The following CRACD variants were observed in gnomAD, a reference collection of about 807,000 sequenced individuals.
CRACD encodes the protein capping protein-inhibiting regulator of actin dynamics.
A neutral mutation model predicts 106.8 loss-of-function variants in CRACD; 56 were observed. The observed-to-expected ratio is 0.52, with a 90% confidence interval of 0.42 to 0.66. The LOEUF is 0.66. Ranked by LOEUF, CRACD falls within the 30% of genes least tolerant of loss-of-function variation. The probability of loss-of-function intolerance (pLI) is 0.00; values close to 1 mark genes in which losing one functional copy is unlikely to be tolerated. For synonymous variants in CRACD, 754 were observed against 670.8 expected (o/e 1.12, Z -1.92); for missense variants, 1,730 against 1,623.2 (o/e 1.07, Z -1.13).
intron 3 of CRACD, among the ~76,000 whole-genome samples, chr4:56,296,382 T>C (rs1033647159): frequency 3.3e-5 from 5 of 152,144 alleles, no homozygotes; most frequent in African/African-American, 1.2e-4. Flanking sequence ...TTATTATTAT[T>C]GCCTAAGATC....
intron 1 of CRACD, among the ~76,000 whole-genome samples, chr4:56,086,487 A>G (rs1450967337): frequency 6.6e-6 from 1 of 152,134 alleles, no homozygotes; most frequent in East Asian, 1.9e-4. Flanking sequence ...CTGAACCAAC[A>G]GTCTGAAGTT....
At chr4:56,174,589 C>T (rs988840911) in intron 1 of CRACD, among the ~76,000 whole-genome samples, 2 of 152,186 alleles carry the variant, frequency 1.3e-5, no homozygotes, top group African/African-American at 2.4e-5. Flanking sequence ...CTAGTTCCAT[C>T]CATGTTGCTG....
At position 56,283,286 on chromosome 4, in the gene CRACD, G is replaced by A. The variant is rs529337016; in HGVS notation, c.-17+10794G>A. The stretch of plus-strand genomic sequence containing the variant: ...TTGTGCAAGTGAGTCATCCATCCAG[G>A]TGGGCTAGACTAGAAGAGAGAATCC... On this transcript the variant is annotated intron_variant, in intron 3 of 10. Coordinates refer to ENST00000682029, the MANE Select transcript of CRACD (RefSeq NM_001393381.1). 2.0e-4 allele frequency among the ~76,000 whole-genome samples: 30 copies of A among 152,274 alleles called. No individual in the cohort carries two copies. In the South Asian group the frequency reaches 2.5e-3, roughly 13 times the overall value.
chr4:56,080,215 T>C (rs1317598871), intron 1 of CRACD, among the ~76,000 whole-genome samples: 1 of 152,104 alleles, frequency 6.6e-6, no homozygotes, highest in African/African-American at 2.4e-5. Flanking sequence ...TAATCTTTTT[T>C]AAAAAACGGT....
intron 1 of CRACD, among the ~76,000 whole-genome samples, chr4:56,150,589 G>C (rs941561868): frequency 7.2e-5 from 11 of 152,086 alleles, no homozygotes; most frequent in African/African-American, 2.7e-4. Flanking sequence ...CTTGACTTTT[G>C]TGATAATAAT....
At chr4:56,070,582 C>A (rs547397178) in intron 1 of CRACD, among the ~76,000 whole-genome samples, 5 of 152,160 alleles carry the variant, frequency 3.3e-5, no homozygotes, top group Non-Finnish European at 7.3e-5. Context: ...CCACCTTGCC[C>A]GGCCCGAGTC....
chr4:56,056,449 T>A (rs1023016708), intron 1 of CRACD, among the ~76,000 whole-genome samples: 2 of 152,078 alleles, frequency 1.3e-5, no homozygotes, highest in Non-Finnish European at 2.9e-5. Context: ...ATGTGGCTAG[T>A]CCGAATGGAG....
At chr4:56,202,383 A>G (rs934595214) in intron 2 of CRACD, among the ~76,000 whole-genome samples, 1 of 152,076 alleles carries the variant, frequency 6.6e-6, no homozygotes, top group Non-Finnish European at 1.5e-5. Context: ...GGTAGCTGGG[A>G]CTACAGGAGC....
chr4:56,273,201 G>A (rs1742463542), intron 3 of CRACD, among the ~76,000 whole-genome samples: 1 of 152,052 alleles, frequency 6.6e-6, no homozygotes, highest in South Asian at 2.1e-4. Context: ...GATGCAGGTT[G>A]CTCAGGCACA....
chr4:56,123,259 C>T (rs1263579298), intron 1 of CRACD, among the ~76,000 whole-genome samples: 1 of 152,172 alleles, frequency 6.6e-6, no homozygotes, highest in Non-Finnish European at 1.5e-5. Context: ...TAACAAAGTA[C>T]CATAGTCTGG....
At chr4:56,284,923 T>C (rs1206951290) in intron 3 of CRACD, among the ~76,000 whole-genome samples, 1 of 152,160 alleles carries the variant, frequency 6.6e-6, no homozygotes, top group Non-Finnish European at 1.5e-5. Context: ...GAGCTGGATC[T>C]CAAAAGATGG....
At chr4:56,148,960 C>T (rs1002122292) in intron 1 of CRACD, among the ~76,000 whole-genome samples, 11 of 151,856 alleles carry the variant, frequency 7.2e-5, no homozygotes, top group African/African-American at 2.2e-4. Flanking sequence ...GGATTACAGG[C>T]GCCTGCCACC....
chr4:56,142,421 G>C (rs1225412073), intron 1 of CRACD, among the ~76,000 whole-genome samples: 1 of 152,116 alleles, frequency 6.6e-6, no homozygotes, highest in Non-Finnish European at 1.5e-5. Flanking sequence ...TTTTTGTACT[G>C]TCCGCCTTGT....
chr4:56,218,480 C>G (rs576994219), intron 2 of CRACD, among the ~76,000 whole-genome samples: 62 of 127,824 alleles, frequency 4.9e-4, no homozygotes, highest in Non-Finnish European at 9.6e-4. Flanking sequence ...TCCTTCCCCT[C>G]CCTTTCCTTC....
At chr4:56,238,940 G>A (rs1740176906) in intron 2 of CRACD, among the ~76,000 whole-genome samples, 1 of 152,080 alleles carries the variant, frequency 6.6e-6, no homozygotes, top group South Asian at 2.1e-4. Flanking sequence ...TCACTGATTA[G>A]GAAATGGAGT....
rs747712719 is a variant in CRACD at position 56,315,937 on chromosome 4, C to T, written c.2435C>T (p.Ala812Val). 6.2e-7 allele frequency: 1 copy of T among 1,614,214 alleles called. No homozygotes were observed. Among genetic ancestry groups the T allele is most frequent in the Non-Finnish European group, 8.5e-7 (1 of 1,180,046 alleles). The change falls in exon 8 of 11, where the codon GCC becomes GTC. Residue 812 changes from alanine (A) to valine (V), a missense_variant. Transcript: ENST00000682029. The surrounding 1 kb of genome is among the most constrained non-coding windows in gnomAD (Gnocchi z 4.1). ...SLPYPPQKVV[A>V]HTEFTTSSDS... ...CCTTACCCTCCGCAGAAAGTGGTGGCCCACACAGAGTTCACGACCTCGTCG... is the reference window on the plus strand; with the variant it reads ...CCTTACCCTCCGCAGAAAGTGGTGGTCCACACAGAGTTCACGACCTCGTCG...
chr4:56,261,894 G>A (rs6554341), intron 2 of CRACD, among the ~76,000 whole-genome samples: 70,671 of 151,854 alleles, frequency 0.47, 16,672 homozygotes, highest in East Asian at 0.63. Context: ...CATATAGTCA[G>A]CTCTGCTATA....
rs780354219 is a variant in CRACD, at chr4:56,315,124, T to G, written c.1622T>G (p.Val541Gly). The change falls in exon 8 of 11, where the codon GTG becomes GGG. Residue 541 changes from valine (V) to glycine (G), a missense_variant. Around this residue, in one of 5 missense-constraint regions of CRACD, gnomAD observed 1,620 missense variants for 1,481.6 expected, o/e 1.09. Transcript: ENST00000682029. The surrounding 1 kb of genome is among the most constrained non-coding windows in gnomAD (Gnocchi z 4.1). ...ATGCCCCGGCCCTACACGTTCCAGG[T>G]GTCCTCCGGAGGGAAGCAGATTCTC... ...QTMPRPYTFQ[V>G]SSGGKQILFP... 37 of 1,610,186 alleles carry G rather than the reference T, an allele frequency of 2.3e-5. No homozygotes were observed. In the African/African-American group the frequency reaches 4.7e-4, roughly 20 times the overall value.
chr4:56,095,649 G>A (rs1733576131), intron 1 of CRACD, among the ~76,000 whole-genome samples: 1 of 152,168 alleles, frequency 6.6e-6, no homozygotes, highest in African/African-American at 2.4e-5. Flanking sequence ...TGGGGGAGGA[G>A]TGGTAGAAGA....
Sources: gnomAD v4.1 joint callset for allele counts (sites outside exome capture counted in the v4.1 genomes callset) on GRCh38, gnomAD v4.1.1 for gene constraint, gnomAD v4.1.1 regional missense constraint, Gnocchi (gnomAD v3.1) non-coding constraint, MANE v1.5 for transcripts, NCBI Gene and HGNC (gene_info 2026-07-23, HGNC 2026-07-21) for gene names.